Variants in KIF5B observed in about 807,000 individuals in gnomAD.
KIF5B encodes the protein kinesin family member 5B.
Under a neutral mutation model 132.8 loss-of-function variants are expected in KIF5B, and 49 were observed. That is an observed-to-expected ratio of 0.37 (90% CI 0.29 to 0.47). KIF5B has a LOEUF of 0.47. Among genes scored for constraint, KIF5B ranks in the 20% least tolerant of loss-of-function variants. The pLI is 1.00. For missense variants in KIF5B, 780 were observed against 1,144.0 expected, an observed-to-expected ratio of 0.68 and a Z score of 4.59; for synonymous variants, 355 against 369.4, an observed-to-expected ratio of 0.96 and a Z score of 0.45.
At position 32,022,122 on chromosome 10, in the gene KIF5B, A is replaced by G; in HGVS notation, c.2032+18T>C. On this transcript the variant is annotated intron_variant, in intron 17 of 25. Coordinates refer to ENST00000302418, the MANE Select transcript of KIF5B (RefSeq NM_004521.3). ...AATAAGAACACAGATGTAACTCATA[A>G]ACAGTTGGAAGCTATACCTTGTGCT... is the stretch of plus-strand genomic sequence containing the variant. The G allele has an allele frequency of 8.1e-7, 1 of 1,241,784 alleles. No individual in the cohort carries two copies. The highest frequency in any genetic ancestry group is 1.2e-6 in the Non-Finnish European group (1 of 860,626). The allele number at this position is 1,241,784 out of a possible 1,614,324, so 76.9% of individuals were successfully genotyped here. A position where few individuals can be genotyped will look rare whatever the true frequency, so the allele number is the denominator to read the frequency against.
rs1000515008 is a variant in KIF5B at position 32,032,778 on chromosome 10, G to C, written c.1306-4C>G. The C allele has an allele frequency of 3.7e-6, 6 of 1,612,500 alleles. No individual in the cohort carries two copies. Among genetic ancestry groups the C allele is most frequent in the Admixed American group, 3.3e-5 (2 of 60,034 alleles). On this transcript the variant is annotated splice_region_variant and splice_polypyrimidine_tract_variant and intron_variant, in intron 12 of 25. Transcript: ENST00000302418. ...TTTGCTGGTTAATTTCTTCATCCTA[G>C]AATTGTGAAGTATCCGGTTAACCAG...
intron 16 of KIF5B, among the ~76,000 whole-genome samples, chr10:32,022,517 T>C (rs1841277704): frequency 6.6e-6 from 1 of 152,186 alleles, no homozygotes; most frequent in Non-Finnish European, 1.5e-5. Context: ...CCATCTTCCC[T>C]CCTTGTGAAA....
intron 20 of KIF5B, 21 bp downstream of exon 20, chr10:32,019,837 T>C: frequency 1.3e-6 from 2 of 1,496,230 alleles, no homozygotes; most frequent in Non-Finnish European, 1.8e-6. Flanking sequence ...TTTTAAACTT[T>C]AATTAAAAAC....
At chr10:32,048,665 G>A in intron 1 of KIF5B, 114 bp from the exon 2 acceptor site, 1 of 642,170 alleles carries the variant, frequency 1.6e-6, no homozygotes, top group South Asian at 2.1e-5. Context: ...TACCTAGTAT[G>A]CATAATTTGG....
intron 14 of KIF5B, among the ~76,000 whole-genome samples, chr10:32,030,003 T>A (rs1017674819): frequency 6.6e-6 from 1 of 152,198 alleles, no homozygotes; most frequent in Non-Finnish European, 1.5e-5. Flanking sequence ...CTGCTTTCTT[T>A]TAGACAAGTT....
chr10:32,056,016 C>A lies in KIF5B; in HGVS notation c.-43G>T. 6.3e-7 allele frequency: 1 copy of A among 1,598,224 alleles called. No homozygotes were observed. The highest frequency in any genetic ancestry group is 8.5e-7 in the Non-Finnish European group (1 of 1,179,208). On this transcript the variant is annotated 5_prime_UTR_variant, in exon 1 of 26. Transcript: ENST00000302418. The stretch of plus-strand genomic sequence containing the variant: ...CCGGCGGCCGGGAGCCACTCCCCGC[C>A]GCTCAGTCTTGCAGGGAACGCGCCG...
At chr10:32,037,202 C>G in intron 8 of KIF5B, 52 bp downstream of exon 8, 1 of 1,567,468 alleles carries the variant, frequency 6.4e-7, no homozygotes, top group Non-Finnish European at 8.7e-7. Context: ...CCAACTCAAA[C>G]TAAAGTTTAC....
rs1433375474 is a variant in KIF5B, at chr10:32,022,965, T to C, written c.1797A>G (p.Ser599=). 1 of 1,613,574 alleles carries C rather than the reference T, an allele frequency of 6.2e-7. No homozygotes were observed. The highest frequency in any genetic ancestry group is 1.1e-5 in the South Asian group (1 of 91,040). ...AACGTTTCACCATGGTTTTTACTTCTGACTTCATTTTGCTAATGTAGAGTC... is the reference window on the plus strand; with the variant it reads ...AACGTTTCACCATGGTTTTTACTTCCGACTTCATTTTGCTAATGTAGAGTC... ...VARLYISKMK[S]EVKTMVKRCK... Residue 599 remains serine, a synonymous_variant, in exon 16 of 26, where the codon TCA becomes TCG. Transcript: ENST00000302418.
At chr10:32,023,341 C>A (rs1407050683) in intron 15 of KIF5B, among the ~76,000 whole-genome samples, 1 of 152,164 alleles carries the variant, frequency 6.6e-6, no homozygotes, top group African/African-American at 2.4e-5. Context: ...CTGCCTCTTT[C>A]AATTTTTTCA....
chr10:32,040,937 G>A (rs897359568), intron 2 of KIF5B, among the ~76,000 whole-genome samples: 5 of 149,990 alleles, frequency 3.3e-5, no homozygotes, highest in African/African-American at 9.8e-5. Context: ...GCAGTGAGCC[G>A]AGATCGCGCC....
chr10:32,028,312 G>T, intron 15 of KIF5B, 116 bp downstream of exon 15: 1 of 806,774 alleles, frequency 1.2e-6, no homozygotes, highest in Non-Finnish European at 1.9e-6. Context: ...TCTACTACAC[G>T]ACTGTTTGTG....
intron 2 of KIF5B, among the ~76,000 whole-genome samples, chr10:32,047,359 C>CT (rs1841625680): frequency 6.6e-6 from 1 of 152,114 alleles, no homozygotes; most frequent in Admixed American, 6.6e-5. Context: ...ATAATCACTC[C>CT]TTTGACTATA....
At chr10:32,043,796 A>C (rs1313422852) in intron 2 of KIF5B, among the ~76,000 whole-genome samples, 1 of 152,228 alleles carries the variant, frequency 6.6e-6, no homozygotes, top group Non-Finnish European at 1.5e-5. Flanking sequence ...ATTATGAGCC[A>C]GTGCATTCTC....
intron 1 of KIF5B, among the ~76,000 whole-genome samples, chr10:32,055,159 T>C (rs1050219323): frequency 6.6e-6 from 1 of 152,006 alleles, no homozygotes; most frequent in African/African-American, 2.4e-5. Context: ...TCTGCTAGAT[T>C]AAACAAAACT....
chr10:32,034,748 A>G lies in KIF5B; in HGVS notation c.1053T>C (p.Asn351=), dbSNP rs1181438892. The G allele has an allele frequency of 6.2e-7, 1 of 1,608,650 alleles. No individual in the cohort carries two copies. Among genetic ancestry groups the G allele is most frequent in the Non-Finnish European group, 8.5e-7 (1 of 1,177,756 alleles). ...KKKYEKEKEK[N]KILRNTIQWL... The stretch of plus-strand genomic sequence containing the variant: ...ACTGAATAGTGTTCCGCAGGATCTT[A>G]TTTTTTTCTTTTTCTTTTTCATACT... The change falls in exon 11 of 26, where the codon AAT becomes AAC. Residue 351 remains asparagine (N), a synonymous_variant. Coordinates refer to ENST00000302418, the MANE Select transcript of KIF5B (RefSeq NM_004521.3).
At chr10:32,041,639 G>T (rs1309350394) in intron 2 of KIF5B, among the ~76,000 whole-genome samples, 1 of 152,178 alleles carries the variant, frequency 6.6e-6, no homozygotes, top group East Asian at 1.9e-4. Context: ...GAAAAAAAAT[G>T]TTATGAGACA....
intron 8 of KIF5B, 98 bp from the exon 9 acceptor site, chr10:32,036,092 A>G (rs1189418560): frequency 1.5e-6 from 1 of 675,590 alleles, no homozygotes. Flanking sequence ...ACCAGTAAAA[A>G]AGAAAAAAGA....
intron 1 of KIF5B, among the ~76,000 whole-genome samples, chr10:32,052,574 AT>A (rs998649797): frequency 1.3e-5 from 2 of 152,098 alleles, no homozygotes; most frequent in Non-Finnish European, 2.9e-5. Context: ...GATAGATGTA[AT>A]TTTTTTATTG....
In KIF5B at chr10:32,040,457, T is replaced by A; in HGVS notation, c.215A>T (p.Asp72Val). Residue 72 changes from aspartate to valine, a missense_variant and splice_region_variant, in exon 3 of 26, where the codon GAT becomes GTT. By Grantham distance (152) the Asp-to-Val change is radical. Coordinates refer to ENST00000302418, the MANE Select transcript of KIF5B (RefSeq NM_004521.3). ...YNDCAKKIVK[D>V]VLEGYNGTIF... The stretch of plus-strand genomic sequence containing the variant: ...TGTTCCATTATATCCTTCAAGTACA[T>A]CTATGAGAAAAGATTTTATAGTTCA... 1 of 1,560,014 alleles carries A rather than the reference T, an allele frequency of 6.4e-7. No homozygotes were observed. Among genetic ancestry groups the A allele is most frequent in the Non-Finnish European group, 8.8e-7 (1 of 1,131,242 alleles).
Sources: gnomAD v4.1 joint callset for allele counts (sites outside exome capture counted in the v4.1 genomes callset) on GRCh38, gnomAD v4.1.1 for gene constraint, MANE v1.5 for transcripts, NCBI Gene and HGNC (gene_info 2026-07-23, HGNC 2026-07-21) for gene names.